Variants in GSDMC observed in about 807,000 individuals in gnomAD.
GSDMC encodes the protein gasdermin-C.
GSDMC carries 59 observed loss-of-function variants against 58.0 expected under a neutral mutation model. The observed-to-expected ratio is 1.02, with a 90% CI of 0.82 to 1.26. GSDMC has a LOEUF of 1.26. GSDMC is among the 50% of genes most tolerant of loss of function. GSDMC has a pLI of 0.00. For synonymous variants in GSDMC, 241 were observed against 220.2 expected (o/e 1.09, Z -0.83); for missense variants, 659 against 598.5 (o/e 1.10, Z -1.06).
At chr8:129,722,225 G>A in the GSDMC span, among the ~76,000 whole-genome samples, 1 of 152,122 alleles carries the variant, frequency 6.6e-6, no homozygotes, top group Admixed American at 6.6e-5. Context: ...GGTGCTCGGG[G>A]AATAGCAATT....
rs193037692 is a variant in GSDMC at position 129,751,925 on chromosome 8, G to C, written c.887-34C>G. On this transcript the variant is annotated intron_variant, in intron 8 of 13. Transcript: ENST00000276708. ...AGAAATGAAATTCCTCACCAAAGAG[G>C]CTCAAAGACTAGATTTCTCCAACCT... is the stretch of plus-strand genomic sequence containing the variant. 1.1e-5 allele frequency: 17 copies of C among 1,601,120 alleles called. No homozygotes were observed. The East Asian group carries it at 3.3e-4, about 32-fold the overall frequency.
the GSDMC span, chr8:129,729,235 A>G: frequency 1.6e-6 from 1 of 640,530 alleles, no homozygotes; most frequent in South Asian, 1.4e-5. Flanking sequence ...AATATTTTCC[A>G]AGTGAAATAG....
Position 129,762,725 on chromosome 8 carries a change from C to T in GSDMC, c.577G>A (p.Gly193Ser). 1 of 1,610,604 alleles carries T rather than the reference C, an allele frequency of 6.2e-7. No homozygotes were observed. ...ALWITYGKGQ[G>S]QGESLRVKKK... ...TTCACTCTGAGACTCTCTCCTTGGC[C>T]TTGACCCTGGGGAGAGAAACCAGAC... The change falls in exon 5 of 14, where the codon GGC becomes AGC. Residue 193 changes from glycine to serine, a missense_variant. By Grantham distance (56) the Gly-to-Ser change is moderately conservative. Transcript: ENST00000276708.
At chr8:129,753,317 A>G (rs2033291625) in intron 6 of GSDMC, among the ~76,000 whole-genome samples, 1 of 152,210 alleles carries the variant, frequency 6.6e-6, no homozygotes, top group Admixed American at 6.5e-5. Flanking sequence ...CAGCCACAGT[A>G]GGACAGGAGA....
At chr8:129,740,545 A>G in the GSDMC span, among the ~76,000 whole-genome samples, 1 of 152,204 alleles carries the variant, frequency 6.6e-6, no homozygotes. Flanking sequence ...CAGTACATTA[A>G]CATGCTGTAC....
chr8:129,717,250 C>CTTTTT, the GSDMC span, among the ~76,000 whole-genome samples: 19 of 114,688 alleles, frequency 1.7e-4, no homozygotes, highest in Non-Finnish European at 2.9e-4. Context: ...TGGTCCTGGG[C>CTTTTT]TTTTTTTTTT....
the GSDMC span, among the ~76,000 whole-genome samples, chr8:129,706,304 T>C: frequency 2.6e-5 from 4 of 152,198 alleles, no homozygotes; most frequent in African/African-American, 4.8e-5. Flanking sequence ...TCATCCACTA[T>C]TGCAGTCATT....
At chr8:129,712,219 G>A in the GSDMC span, among the ~76,000 whole-genome samples, 10 of 152,296 alleles carry the variant, frequency 6.6e-5, no homozygotes, top group Middle Eastern at 3.4e-3. Flanking sequence ...TATTCAATAC[G>A]TGGCATATTT....
chr8:129,750,009 A>AT lies in GSDMC; in HGVS notation c.1193dup (p.Tyr398Ter), dbSNP rs760827512. Residue 398 changes from tyrosine to a stop codon, truncating the protein, a stop_gained and frameshift_variant, in exon 12 of 14, where the codon TAT (tyrosine) becomes TAAT (stop). Transcript: ENST00000276708. LOFTEE classifies it high-confidence loss of function. ...AWFNPKDPIL[Y>*]LLEAIMVLSD... ...TCTTACCCATTATGGCTTCAAGGAG[A>AT]TAAAGAATGGGGTCCTTTGGGTTAA... 12 of 1,604,366 alleles carry AT rather than the reference A, an allele frequency of 7.5e-6. No homozygotes were observed. Among genetic ancestry groups the AT allele is most frequent in the Non-Finnish European group, 1.0e-5 (12 of 1,177,260 alleles).
At chr8:129,749,300 A>C in intron 13 of GSDMC, 152 bp downstream of exon 13, 1 of 616,226 alleles carries the variant, frequency 1.6e-6, no homozygotes, top group Non-Finnish European at 3.0e-6. Flanking sequence ...CCAGAAGGAC[A>C]CTGCAGCCAA....
At chr8:129,751,503 C>T in intron 10 of GSDMC, 39 bp downstream of exon 10, 1 of 1,577,182 alleles carries the variant, frequency 6.3e-7, no homozygotes, top group Non-Finnish European at 8.7e-7. Flanking sequence ...TTGCAGCTCC[C>T]ACCCAGAAGC....
the GSDMC span, among the ~76,000 whole-genome samples, chr8:129,708,294 G>A: frequency 6.6e-6 from 1 of 152,228 alleles, no homozygotes. Context: ...TGAGTCCAGA[G>A]CCCTAAAGAC....
At chr8:129,724,733 A>T in the GSDMC span, among the ~76,000 whole-genome samples, 1 of 152,156 alleles carries the variant, frequency 6.6e-6, no homozygotes, top group Non-Finnish European at 1.5e-5. Flanking sequence ...ATTATCCAAA[A>T]AGGAACTATT....
the GSDMC span, among the ~76,000 whole-genome samples, chr8:129,722,406 A>G: frequency 6.6e-6 from 1 of 152,250 alleles, no homozygotes; most frequent in Non-Finnish European, 1.5e-5. Flanking sequence ...CAAGTCTGTT[A>G]CATAAGAATT....
rs1390839516 is a variant in GSDMC, at chr8:129,776,188, T to A, written c.318A>T (p.Ser106=). The change falls in exon 3 of 14, where the codon TCA becomes TCT. Residue 106 remains serine, a synonymous_variant. Coordinates refer to ENST00000276708, the MANE Select transcript of GSDMC (RefSeq NM_031415.3). ...ATCCATGGTCCACAGAGGCCTCCCC[T>A]GACACACTCACTTCTATACCAACAT... ...GVNVGIEVSV[S]GEASVDHGCS... The A allele has an allele frequency of 1.2e-6, 2 of 1,613,728 alleles. No individual in the cohort carries two copies.
the GSDMC span, among the ~76,000 whole-genome samples, chr8:129,740,680 T>G: frequency 2.0e-5 from 3 of 152,178 alleles, no homozygotes; most frequent in Non-Finnish European, 2.9e-5. Flanking sequence ...AATGATGCAT[T>G]TATTAGAATG....
chr8:129,729,149 A>T, the GSDMC span: 15 of 663,182 alleles, frequency 2.3e-5, no homozygotes, highest in South Asian at 1.6e-4. Context: ...ACAGGAGGCA[A>T]TGTTGTTTAC....
At chr8:129,760,081 G>A (rs916973813) in intron 6 of GSDMC, among the ~76,000 whole-genome samples, 1 of 152,108 alleles carries the variant, frequency 6.6e-6, no homozygotes, top group Non-Finnish European at 1.5e-5. Context: ...TGAAACTGGA[G>A]TTCATTATGT....
chr8:129,749,284 AG>A (rs1465785333), intron 13 of GSDMC, among the ~76,000 whole-genome samples, 167 bp downstream of exon 13: 1 of 152,168 alleles, frequency 6.6e-6, no homozygotes, highest in Non-Finnish European at 1.5e-5. Flanking sequence ...CCACTGGACC[AG>A]GTCTCCAGAA....
Sources: allele counts gnomAD v4.1 joint callset (sites outside exome capture counted in the v4.1 genomes callset), GRCh38; gene constraint gnomAD v4.1.1; transcripts MANE v1.5; gene names NCBI Gene and HGNC (gene_info 2026-07-23, HGNC 2026-07-21).